The following PIBF1 variants were observed in gnomAD, a reference collection of about 807,000 sequenced individuals.
The protein encoded by PIBF1 is progesterone immunomodulatory binding factor 1, also known as progesterone-induced-blocking factor 1.
A neutral mutation model predicts 112.5 loss-of-function variants in PIBF1; 90 were observed. The observed-to-expected ratio is 0.80, with a 90% CI of 0.67 to 0.95. The LOEUF (loss-of-function observed/expected upper bound fraction) is 0.95, where lower values mean the gene tolerates loss of function less well. Ranked by LOEUF, PIBF1 falls within the 40% of genes least tolerant of loss-of-function variation. The pLI is 0.00. For missense variants in PIBF1, 915 were observed against 852.3 expected, an observed-to-expected ratio of 1.07 and a Z score of -0.92; for synonymous variants, 301 against 288.6, an observed-to-expected ratio of 1.04 and a Z score of -0.44.
chr13:72,897,872 C>T (rs1360689098), intron 11 of PIBF1, among the ~76,000 whole-genome samples: 2 of 152,198 alleles, frequency 1.3e-5, no homozygotes, highest in African/African-American at 4.8e-5. Flanking sequence ...CAGTACTCCA[C>T]TGACAGCACT....
At chr13:72,841,870 A>G (rs1193201214) in intron 9 of PIBF1, among the ~76,000 whole-genome samples, 1 of 152,240 alleles carries the variant, frequency 6.6e-6, no homozygotes, top group Non-Finnish European at 1.5e-5. Flanking sequence ...TTATAGATGT[A>G]GATGAGTTAT....
intron 14 of PIBF1, among the ~76,000 whole-genome samples, chr13:72,934,576 T>A (rs1440250565): frequency 1.3e-5 from 2 of 152,180 alleles, no homozygotes; most frequent in Non-Finnish European, 2.9e-5. Context: ...TTTTTGATAA[T>A]ACACAGATGA....
intron 14 of PIBF1, among the ~76,000 whole-genome samples, chr13:72,961,276 G>T (rs1250607174): frequency 2.0e-5 from 3 of 151,712 alleles, no homozygotes; most frequent in Admixed American, 2.0e-4. Flanking sequence ...GATTCTTTCT[G>T]CCTCCCACCA....
chr13:72,977,990 A>C (rs1594305392), intron 16 of PIBF1, among the ~76,000 whole-genome samples: 1 of 152,196 alleles, frequency 6.6e-6, no homozygotes, highest in African/African-American at 2.4e-5. Flanking sequence ...GGGTAAATAT[A>C]TTAGGTTAAA....
chr13:72,790,111 C>T (rs1467929671), intron 2 of PIBF1, among the ~76,000 whole-genome samples: 1 of 152,102 alleles, frequency 6.6e-6, no homozygotes, highest in Non-Finnish European at 1.5e-5. Flanking sequence ...TTTAGCCCAT[C>T]ACCATTTTTT....
chr13:73,012,827 A>G (rs993070246), intron 17 of PIBF1, among the ~76,000 whole-genome samples: 3 of 151,928 alleles, frequency 2.0e-5, no homozygotes, highest in Admixed American at 6.6e-5. Flanking sequence ...ATATCCAAGG[A>G]CTAAAGGATG....
chr13:72,833,841 G>A (rs1023990093), intron 8 of PIBF1, among the ~76,000 whole-genome samples: 1 of 152,174 alleles, frequency 6.6e-6, no homozygotes, highest in Admixed American at 6.5e-5. Context: ...TGCTGAAGCT[G>A]CACCCACAGG....
In PIBF1 at chr13:72,993,474, G is replaced by A. The variant is rs185329806; in HGVS notation, c.2050-5348G>A. Among the ~76,000 whole-genome samples the A allele has an allele frequency of 8.3e-4, 126 of 152,220 alleles. 1 individual carries two copies. Among genetic ancestry groups the A allele is most frequent in the African/African-American group, 2.8e-3 (115 of 41,550 alleles). On this transcript the variant is annotated intron_variant, in intron 16 of 17. Transcript: ENST00000326291. ...CCAAAAACTTAGAAAAAGGTAAAAA[G>A]ATGGAAAGCCAAAGGACATAGAAGA...
intron 5 of PIBF1, among the ~76,000 whole-genome samples, chr13:72,814,715 A>G: frequency 6.6e-6 from 1 of 152,056 alleles, no homozygotes; most frequent in East Asian, 1.9e-4. Context: ...GAAAATCTGT[A>G]GCCGGAAATG....
At chr13:72,828,069 T>TTTTATTTTAC (rs1177486344) in intron 8 of PIBF1, among the ~76,000 whole-genome samples, 155 bp downstream of exon 8, 1 of 152,002 alleles carries the variant, frequency 6.6e-6, no homozygotes, top group Non-Finnish European at 1.5e-5. Context: ...TTTTATTTTA[T>TTTTATTTTAC]TTTTTGATTT....
chr13:72,883,776 C>G (rs1172005090), intron 10 of PIBF1, among the ~76,000 whole-genome samples: 1 of 152,164 alleles, frequency 6.6e-6, no homozygotes, highest in African/African-American at 2.4e-5. Flanking sequence ...GCGTGAGTCA[C>G]CACGCCTGGC....
intron 16 of PIBF1, among the ~76,000 whole-genome samples, chr13:72,989,090 CAG>C (rs1287229393): frequency 2.0e-5 from 3 of 152,052 alleles, no homozygotes; most frequent in Non-Finnish European, 4.4e-5. Context: ...TAATATATAT[CAG>C]GGGGAAAATC....
At chr13:72,995,129 G>A (rs1415526065) in intron 16 of PIBF1, among the ~76,000 whole-genome samples, 7 of 151,666 alleles carry the variant, frequency 4.6e-5, no homozygotes, top group Admixed American at 6.6e-5. Context: ...GTGAAACCCC[G>A]TCTCTACTAA....
rs548454510 is a variant in PIBF1, at chr13:72,874,058, C to T, written c.1323-19726C>T. Among the ~76,000 whole-genome samples, 7 of 152,302 alleles carry T rather than the reference C, an allele frequency of 4.6e-5. No individual in the cohort carries two copies. In the East Asian group the frequency reaches 9.7e-4, roughly 21 times the overall value. On this transcript the variant is annotated intron_variant, in intron 10 of 17. Transcript: ENST00000326291. ...CCAAAATTCATTACCACTACAACCACTAGAATGGCTAGATTTTAAAACACG... is the reference window on the plus strand; with the variant it reads ...CCAAAATTCATTACCACTACAACCATTAGAATGGCTAGATTTTAAAACACG...
At chr13:72,988,340 T>G (rs954595511) in intron 16 of PIBF1, among the ~76,000 whole-genome samples, 3 of 152,044 alleles carry the variant, frequency 2.0e-5, no homozygotes, top group African/African-American at 7.2e-5. Context: ...GACCTAAAAT[T>G]TGTATATACT....
intron 14 of PIBF1, among the ~76,000 whole-genome samples, chr13:72,949,389 C>T (rs1355959595): frequency 7.3e-6 from 1 of 137,924 alleles, no homozygotes; most frequent in Non-Finnish European, 1.5e-5. Flanking sequence ...AATCTCGGCT[C>T]ACTGCAACCT....
intron 2 of PIBF1, among the ~76,000 whole-genome samples, chr13:72,787,939 A>G (rs1180231037): frequency 1.3e-5 from 2 of 152,170 alleles, no homozygotes; most frequent in African/African-American, 4.8e-5. Flanking sequence ...GTGTGAAGCC[A>G]CTGCACCCAG....
chr13:72,927,990 C>CATATATAT (rs1198692717), intron 13 of PIBF1, among the ~76,000 whole-genome samples: 10 of 80,824 alleles, frequency 1.2e-4, no homozygotes, highest in Non-Finnish European at 2.0e-4. Context: ...TATATATATA[C>CATATATAT]ACACACATAT....
intron 9 of PIBF1, among the ~76,000 whole-genome samples, chr13:72,836,621 G>A (rs953371653): frequency 2.6e-5 from 4 of 152,016 alleles, no homozygotes; most frequent in Admixed American, 6.5e-5. Flanking sequence ...TAATATAGCA[G>A]GTTGGTAGAG....
Sources: allele counts gnomAD v4.1 joint callset (sites outside exome capture counted in the v4.1 genomes callset), GRCh38; gene constraint gnomAD v4.1.1; transcripts MANE v1.5; gene names NCBI Gene and HGNC (gene_info 2026-07-23, HGNC 2026-07-21).